Variants in INTS2 observed in about 807,000 individuals in gnomAD.
INTS2 encodes the protein integrator complex subunit 2.
INTS2 carries 57 observed loss-of-function variants against 139.6 expected under a neutral mutation model. The ratio of observed to expected loss-of-function variants is 0.41; its 90% CI spans 0.33 to 0.51. INTS2 has a LOEUF of 0.51. Among genes scored for constraint, INTS2 ranks in the 20% least tolerant of loss-of-function variants. The pLI is 0.28. For synonymous variants in INTS2, 473 were observed against 493.4 expected, an observed-to-expected ratio of 0.96 and a Z score of 0.55; for missense variants, 1,196 against 1,436.7, an observed-to-expected ratio of 0.83 and a Z score of 2.71.
At chr17:61,924,062 A>T (rs891117254) in intron 3 of INTS2, among the ~76,000 whole-genome samples, 3 of 152,212 alleles carry the variant, frequency 2.0e-5, no homozygotes, top group African/African-American at 7.2e-5. Flanking sequence ...ATAATTTTAC[A>T]AAGAAGATAA....
intron 7 of INTS2, chr17:61,910,322 G>A (rs2079513459): frequency 6.6e-6 from 1 of 152,332 alleles, no homozygotes; most frequent in Non-Finnish European, 1.5e-5. Context: ...GCCAGGCCCA[G>A]TGGTGGCTCA....
intron 17 of INTS2, among the ~76,000 whole-genome samples, chr17:61,878,746 A>G (rs1012676251): frequency 2.6e-5 from 4 of 151,976 alleles, no homozygotes; most frequent in Non-Finnish European, 5.9e-5. Flanking sequence ...GTTCAAGACC[A>G]GTCTGGGCAA....
intron 7 of INTS2, among the ~76,000 whole-genome samples, chr17:61,908,233 G>A (rs1204117760): frequency 6.6e-6 from 1 of 152,122 alleles, no homozygotes; most frequent in East Asian, 1.9e-4. Flanking sequence ...TGGCCAACAT[G>A]GTGAAACCCC....
intron 2 of INTS2, 70 bp downstream of exon 2, chr17:61,926,282 G>C: frequency 8.1e-7 from 1 of 1,238,758 alleles, no homozygotes; most frequent in Non-Finnish European, 1.1e-6. Flanking sequence ...TTTCTGGAGA[G>C]CTCTAAAAAA....
intron 15 of INTS2, among the ~76,000 whole-genome samples, chr17:61,888,306 T>G (rs561236009): frequency 6.6e-6 from 1 of 151,938 alleles, no homozygotes; most frequent in African/African-American, 2.4e-5. Context: ...AGATCAAGGC[T>G]ACACTGAGCC....
At position 61,868,944 on chromosome 17, in the gene INTS2, A is replaced by G; in HGVS notation, c.3244+90T>C. On this transcript the variant is annotated intron_variant, in intron 23 of 24. Transcript: ENST00000251334. This position sits in a 1 kb window ranked among gnomAD's most constrained non-coding sequence, Gnocchi z 4.7. ...TTGTATCATACTGTCTCAGAGTGAC[A>G]GAAAAAACATATTGCATCACTAAAT... is the stretch of plus-strand genomic sequence containing the variant. The G allele has an allele frequency of 1.3e-6, 1 of 763,504 alleles. No individual in the cohort carries two copies. The highest frequency in any genetic ancestry group is 2.2e-6 in the Non-Finnish European group (1 of 445,646). The allele number at this position is 763,504 out of a possible 1,614,324, so 47.3% of individuals were successfully genotyped here. A position where few individuals can be genotyped will look rare whatever the true frequency, so the allele number is the denominator to read the frequency against.
rs2079527271 is a variant in INTS2 at position 61,911,643 on chromosome 17, A to G, written c.831T>C (p.His277=). The G allele has an allele frequency of 6.2e-7, 1 of 1,613,928 alleles. No individual in the cohort carries two copies. Among genetic ancestry groups the G allele is most frequent in the Non-Finnish European group, 8.5e-7 (1 of 1,179,838 alleles). ...CATCCTCACAAGCTTCATTTTTAGT[A>G]TGATCCAATGTCAAAGCCACACCAA... ...PGLGVALTLD[H]TKNEACEDGV... The change falls in exon 7 of 25, where the codon CAT becomes CAC. Residue 277 remains histidine (H), a synonymous_variant. Coordinates refer to ENST00000251334, the MANE Select transcript of INTS2 (RefSeq NM_001351695.2).
chr17:61,897,667 C>T lies in INTS2; in HGVS notation c.1379+1G>A. 6.2e-7 allele frequency: 1 copy of T among 1,601,514 alleles called. No individual in the cohort carries two copies. The highest frequency in any genetic ancestry group is 8.5e-7 in the Non-Finnish European group (1 of 1,172,942). On this transcript the variant is annotated splice_donor_variant, in intron 10 of 24. Transcript: ENST00000251334. LOFTEE classifies it high-confidence loss of function. This position sits in a 1 kb window ranked among gnomAD's most constrained non-coding sequence, Gnocchi z 4.4. The stretch of plus-strand genomic sequence containing the variant: ...CAACTAACTAAATCAAATTATCTTA[C>T]CTCTCAAAATACGCTTCTTCTTTTA...
intron 11 of INTS2, among the ~76,000 whole-genome samples, chr17:61,896,588 A>T (rs967571040): frequency 6.6e-6 from 1 of 152,218 alleles, no homozygotes; most frequent in African/African-American, 2.4e-5. Flanking sequence ...AGAAAAAAAT[A>T]AATCAAAGTC....
In INTS2 at chr17:61,909,481, T is replaced by G. The variant is rs1172654069; in HGVS notation, c.955-1847A>C. On this transcript the variant is annotated intron_variant, in intron 7 of 24. Transcript: ENST00000251334. This position sits in a 1 kb window ranked among gnomAD's most constrained non-coding sequence, Gnocchi z 4.9. ...TACATGAATCTATTGCATAGAAGTC[T>G]GGGCTGTTGGTGTAGTCATCACCCT... Among the ~76,000 whole-genome samples the G allele has an allele frequency of 6.6e-6, 1 of 152,192 alleles. No individual in the cohort carries two copies. Among genetic ancestry groups the G allele is most frequent in the East Asian group, 1.9e-4 (1 of 5,194 alleles).
chr17:61,883,866 G>T (rs944340935), intron 16 of INTS2, among the ~76,000 whole-genome samples: 1 of 151,834 alleles, frequency 6.6e-6, no homozygotes, highest in Non-Finnish European at 1.5e-5. Flanking sequence ...AAAATTAGCT[G>T]GGCGTGGTGG....
intron 16 of INTS2, among the ~76,000 whole-genome samples, chr17:61,883,069 AC>A (rs1238886906): frequency 6.6e-6 from 1 of 152,228 alleles, no homozygotes; most frequent in African/African-American, 2.4e-5. Context: ...CTAAATGCAT[AC>A]AGGAGTATAT....
intron 15 of INTS2, 75 bp from the exon 16 acceptor site, chr17:61,885,080 A>C (rs529284764): frequency 1.7e-5 from 16 of 940,404 alleles, no homozygotes; most frequent in Non-Finnish European, 2.6e-5. Context: ...ACCCAAATGG[A>C]AACAAAAACA....
intron 16 of INTS2, among the ~76,000 whole-genome samples, chr17:61,883,879 T>C (rs982555169): frequency 2.6e-5 from 4 of 151,548 alleles, no homozygotes; most frequent in East Asian, 1.9e-4. Flanking sequence ...CGTGGTGGCA[T>C]AGGCCTGTAG....
At chr17:61,894,087 T>A in intron 12 of INTS2, 188 bp from the exon 13 acceptor site, 1 of 387,846 alleles carries the variant, frequency 2.6e-6, no homozygotes, top group South Asian at 8.3e-5. Context: ...GGGATTTATA[T>A]AATTCCCTAA....
At chr17:61,908,632 G>A (rs1603380782) in intron 7 of INTS2, among the ~76,000 whole-genome samples, 1 of 152,076 alleles carries the variant, frequency 6.6e-6, no homozygotes, top group Non-Finnish European at 1.5e-5. Flanking sequence ...TATCTTTTGA[G>A]TGTCTCTAAG....
In INTS2 at chr17:61,887,745, T is replaced by C. The variant is rs184059991; in HGVS notation, c.1984+2041A>G. ...AGAACTGTATCAAAGACACAGAAAATGTCAAAACATAAAAAAGAAAATCCA... is the reference window on the plus strand; with the variant it reads ...AGAACTGTATCAAAGACACAGAAAACGTCAAAACATAAAAAAGAAAATCCA... On this transcript the variant is annotated intron_variant, in intron 15 of 24. Transcript: ENST00000251334. Among the ~76,000 whole-genome samples the C allele has an allele frequency of 2.4e-4, 37 of 151,832 alleles. No homozygotes were observed. The East Asian group carries it at 7.2e-3, about 30-fold the overall frequency.
In INTS2 at chr17:61,873,066, G is replaced by A. The variant is rs75526809; in HGVS notation, c.2583-606C>T. Reference sequence around the variant, plus strand: ...TCTTGAAAATGAGCACGACACTTTTGCCCCAATAATTCCATTTTCCCATGT... The same window carrying A: ...TCTTGAAAATGAGCACGACACTTTTACCCCAATAATTCCATTTTCCCATGT... On this transcript the variant is annotated intron_variant, in intron 19 of 24. Transcript: ENST00000251334. This position sits in a 1 kb window ranked among gnomAD's most constrained non-coding sequence, Gnocchi z 4.0. Among the ~76,000 whole-genome samples, 1,306 of 152,230 alleles carry A rather than the reference G, an allele frequency of 8.6e-3. 12 individuals are homozygous for A. Among genetic ancestry groups the A allele is most frequent in the Non-Finnish European group, 0.014 (966 of 68,006 alleles).
chr17:61,907,822 T>C (rs1603380611), intron 7 of INTS2, among the ~76,000 whole-genome samples, 188 bp from the exon 8 acceptor site: 1 of 152,322 alleles, frequency 6.6e-6, no homozygotes, highest in South Asian at 2.1e-4. Context: ...GAAGAATGAA[T>C]ATTCACCATA....
Sources: allele counts gnomAD v4.1 joint callset (sites outside exome capture counted in the v4.1 genomes callset), GRCh38; gene constraint gnomAD v4.1.1; non-coding constraint Gnocchi (gnomAD v3.1); transcripts MANE v1.5; gene names NCBI Gene and HGNC (gene_info 2026-07-23, HGNC 2026-07-21).